SNX29: variants seen among roughly 807,000 people sequenced by gnomAD.
The protein encoded by SNX29 is sorting nexin 29.
In SNX29, 78 loss-of-function variants were observed where a neutral mutation model predicts 102.1. That is an observed-to-expected ratio of 0.76 (90% confidence interval 0.64 to 0.92). The LOEUF (loss-of-function observed/expected upper bound fraction) is 0.92. Among genes scored for constraint, SNX29 ranks in the 40% least tolerant of loss-of-function variants. The pLI is 0.00. For synonymous variants in SNX29, 580 were observed against 414.5 expected (o/e 1.40, Z -4.85); for missense variants, 1,280 against 1,061.7 (o/e 1.21, Z -2.86).
chr16:12,383,122 A>C (rs2083231465), intron 16 of SNX29, among the ~76,000 whole-genome samples: 1 of 152,214 alleles, frequency 6.6e-6, no homozygotes, highest in African/African-American at 2.4e-5. Flanking sequence ...ATAAGCCTTT[A>C]GACATTAAGT....
At chr16:12,222,256 G>GA (rs2077497683) in intron 14 of SNX29, among the ~76,000 whole-genome samples, 1 of 152,190 alleles carries the variant, frequency 6.6e-6, no homozygotes, top group Non-Finnish European at 1.5e-5. Context: ...GTGCAGGGGT[G>GA]AGGGTGGGTT....
At chr16:12,294,512 C>A (rs994510326) in intron 15 of SNX29, among the ~76,000 whole-genome samples, 1 of 152,180 alleles carries the variant, frequency 6.6e-6, no homozygotes, top group Admixed American at 6.5e-5. Flanking sequence ...CCTGGGAAGT[C>A]CATAGGCACC....
chr16:12,362,168 T>C (rs1324599564), intron 16 of SNX29, among the ~76,000 whole-genome samples: 1 of 152,266 alleles, frequency 6.6e-6, no homozygotes, highest in Admixed American at 6.5e-5. Context: ...GACAAAACCG[T>C]AATGGATTTC....
At position 12,047,838 on chromosome 16, in the gene SNX29, G is replaced by A. The variant is rs566535803; in HGVS notation, c.500-534G>A. On this transcript the variant is annotated intron_variant, in intron 6 of 20. Transcript: ENST00000566228. ...ACGCCTGGCTAATTTTGTATTTTTA[G>A]TAGATATGGGGTTTCTCCATGTTGG... Among the ~76,000 whole-genome samples the A allele has an allele frequency of 1.1e-4, 17 of 151,996 alleles. No homozygotes were observed. The South Asian group carries it at 3.3e-3, about 30-fold the overall frequency.
At chr16:12,105,120 T>G (rs923093912) in intron 11 of SNX29, among the ~76,000 whole-genome samples, 1 of 152,204 alleles carries the variant, frequency 6.6e-6, no homozygotes, top group Non-Finnish European at 1.5e-5. Flanking sequence ...CGTGAGCAGT[T>G]TCTTAATGGT....
At chr16:12,486,269 C>T (rs1224687803) in intron 19 of SNX29, among the ~76,000 whole-genome samples, 1 of 152,216 alleles carries the variant, frequency 6.6e-6, no homozygotes, top group Non-Finnish European at 1.5e-5. Context: ...AGATTGGGCC[C>T]ACCCAGATTA....
At chr16:12,544,848 C>T (rs185735204) in intron 20 of SNX29, among the ~76,000 whole-genome samples, 1 of 152,314 alleles carries the variant, frequency 6.6e-6, no homozygotes, top group African/African-American at 2.4e-5. Flanking sequence ...GGGGAAATGC[C>T]CACATGCAGC....
chr16:12,069,504 G>T (rs1040066665), intron 10 of SNX29, among the ~76,000 whole-genome samples: 1 of 152,102 alleles, frequency 6.6e-6, no homozygotes, highest in Non-Finnish European at 1.5e-5. Flanking sequence ...CTGACCTCAG[G>T]TGATCTGCCC....
intron 15 of SNX29, among the ~76,000 whole-genome samples, chr16:12,346,436 G>C (rs1416494071): frequency 6.6e-6 from 1 of 152,146 alleles, no homozygotes; most frequent in Non-Finnish European, 1.5e-5. Flanking sequence ...TGATTTTATG[G>C]ATGAGAAACT....
intron 15 of SNX29, among the ~76,000 whole-genome samples, chr16:12,343,526 G>A (rs112822350): frequency 0.016 from 2,440 of 152,298 alleles, 56 homozygotes; most frequent in African/African-American, 0.056. Context: ...GTGTGAACCT[G>A]TTCTCATGCC....
At chr16:12,391,314 G>T (rs972916581) in intron 16 of SNX29, among the ~76,000 whole-genome samples, 3 of 152,128 alleles carry the variant, frequency 2.0e-5, no homozygotes, top group Non-Finnish European at 4.4e-5. Context: ...AAACATCATA[G>T]GTTAATTAAT....
intron 1 of SNX29, among the ~76,000 whole-genome samples, chr16:11,991,154 A>G (rs1393066982): frequency 1.3e-5 from 2 of 152,272 alleles, no homozygotes; most frequent in African/African-American, 2.4e-5. Context: ...CGCAGGGCTT[A>G]GAGAAATGCT....
intron 11 of SNX29, among the ~76,000 whole-genome samples, chr16:12,100,335 G>A (rs928769797): frequency 2.6e-5 from 4 of 152,300 alleles, no homozygotes; most frequent in Admixed American, 2.6e-4. Context: ...GTTGCTGGTA[G>A]CACCACCACC....
chr16:12,336,491 T>C (rs2081454855), intron 15 of SNX29, among the ~76,000 whole-genome samples: 1 of 152,202 alleles, frequency 6.6e-6, no homozygotes, highest in African/African-American at 2.4e-5. Flanking sequence ...AGCTTAAAAT[T>C]TTTTCCCCTC....
At chr16:12,341,793 C>A (rs1596994184) in intron 15 of SNX29, among the ~76,000 whole-genome samples, 1 of 152,158 alleles carries the variant, frequency 6.6e-6, no homozygotes, top group African/African-American at 2.4e-5. Flanking sequence ...CCCTGTTGTG[C>A]AGAGGGGGCT....
chr16:12,032,388 A>G (rs1330876927), intron 4 of SNX29, among the ~76,000 whole-genome samples: 4 of 151,840 alleles, frequency 2.6e-5, no homozygotes, highest in African/African-American at 9.7e-5. Context: ...TTGTATTTTT[A>G]GTAGATACGT....
At chr16:12,285,736 G>A (rs2079573244) in intron 15 of SNX29, among the ~76,000 whole-genome samples, 1 of 152,156 alleles carries the variant, frequency 6.6e-6, no homozygotes, top group Non-Finnish European at 1.5e-5. Context: ...TATAAGAGCA[G>A]CATGGGCTTT....
intron 14 of SNX29, among the ~76,000 whole-genome samples, chr16:12,265,175 T>TTTTGCACCAG (rs1205459284): frequency 3.3e-5 from 5 of 152,212 alleles, no homozygotes; most frequent in African/African-American, 1.2e-4. Context: ...TTTGCACCAC[T>TTTTGCACCAG]TGTTTCAGGG....
At position 12,211,191 on chromosome 16, in the gene SNX29, C is replaced by T. The variant is rs59930096; in HGVS notation, c.1678+11508C>T. Among the ~76,000 whole-genome samples the T allele has an allele frequency of 5.9e-3, 898 of 152,298 alleles. 8 individuals are homozygous for T. The highest frequency in any genetic ancestry group is 0.02 in the African/African-American group (830 of 41,558). Reference sequence around the variant, plus strand: ...TTGAATACTCCTTGAGTACCAGGCACAGTTCTGGGTATACTTCAGGCCCAA... The same window carrying T: ...TTGAATACTCCTTGAGTACCAGGCATAGTTCTGGGTATACTTCAGGCCCAA... On this transcript the variant is annotated intron_variant, in intron 14 of 20. Transcript: ENST00000566228.
Sources: gnomAD v4.1 joint callset for allele counts (sites outside exome capture counted in the v4.1 genomes callset) on GRCh38, gnomAD v4.1.1 for gene constraint, MANE v1.5 for transcripts, NCBI Gene and HGNC (gene_info 2026-07-23, HGNC 2026-07-21) for gene names.